SLC43A2: variants seen among roughly 807,000 people sequenced by gnomAD.
The protein encoded by SLC43A2 is solute carrier family 43 member 2.
A neutral mutation model predicts 63.2 loss-of-function variants in SLC43A2; 38 were observed. The ratio of observed to expected loss-of-function variants is 0.60; its 90% confidence interval spans 0.46 to 0.79. The LOEUF (loss-of-function observed/expected upper bound fraction) is 0.79. SLC43A2 is among the 30% of genes least tolerant of loss of function. The pLI, the probability that SLC43A2 is intolerant of heterozygous loss-of-function variation, is 0.00. For missense variants in SLC43A2, 644 were observed against 756.2 expected, an observed-to-expected ratio of 0.85 and a Z score of 1.74; for synonymous variants, 322 against 331.0, an observed-to-expected ratio of 0.97 and a Z score of 0.30.
intron 9 of SLC43A2, among the ~76,000 whole-genome samples, 198 bp downstream of exon 9, chr17:1,590,604 C>G (rs1159622865): frequency 6.6e-6 from 1 of 152,216 alleles, no homozygotes; most frequent in Non-Finnish European, 1.5e-5. Flanking sequence ...CCTCCTGGAC[C>G]AGGAAACCCT....
At position 1,593,697 on chromosome 17, in the gene SLC43A2, A is replaced by C. The variant is rs1567624501; in HGVS notation, c.502-418T>G. 6.6e-6 allele frequency among the ~76,000 whole-genome samples: 1 copy of C among 152,160 alleles called. No individual in the cohort carries two copies. The highest frequency in any genetic ancestry group is 1.5e-5 in the Non-Finnish European group (1 of 68,034). ...GATAATAGCATCATTTTATAAATAA[A>C]AATATCAGCATTCCAGAAAGACCAG... On this transcript the variant is annotated intron_variant, in intron 5 of 13. Transcript: ENST00000301335. This position sits in a 1 kb window ranked among gnomAD's most constrained non-coding sequence, Gnocchi z 5.3.
intron 5 of SLC43A2, among the ~76,000 whole-genome samples, chr17:1,611,204 C>T (rs976407662): frequency 6.6e-6 from 1 of 152,036 alleles, no homozygotes; most frequent in Non-Finnish European, 1.5e-5. Flanking sequence ...CTCGGCATTT[C>T]GGGGTGTGAG....
At chr17:1,595,115 T>C (rs1905183758) in intron 5 of SLC43A2, among the ~76,000 whole-genome samples, 1 of 151,812 alleles carries the variant, frequency 6.6e-6, no homozygotes, top group Non-Finnish European at 1.5e-5. Flanking sequence ...ACCCTGTCTC[T>C]ACTAAAAATA....
In SLC43A2 at chr17:1,572,732, C is replaced by G. The variant is rs1199994029; in HGVS notation, c.*2872G>C. 6.5e-6 allele frequency: 1 copy of G among 152,900 alleles called. No homozygotes were observed. Among genetic ancestry groups the G allele is most frequent in the African/African-American group, 2.4e-5 (1 of 41,486 alleles). The allele number at this position is 152,900 out of a possible 1,614,324, so 9.5% of individuals were successfully genotyped here. ...AGCACTGTTGGCCCTGGACTGTTTC[C>G]CCCCCTCAATTCTGTTTCTCAATGC... is the stretch of plus-strand genomic sequence containing the variant. On this transcript the variant is annotated 3_prime_UTR_variant, in exon 14 of 14. Coordinates refer to ENST00000301335, the MANE Select transcript of SLC43A2 (RefSeq NM_152346.3).
At chr17:1,614,106 G>A (rs183001580) in intron 4 of SLC43A2, among the ~76,000 whole-genome samples, 1 of 152,264 alleles carries the variant, frequency 6.6e-6, no homozygotes, top group Admixed American at 6.5e-5. Context: ...AGCCAGGCGT[G>A]GTGGCGGGTG....
intron 4 of SLC43A2, among the ~76,000 whole-genome samples, chr17:1,613,991 C>T (rs2151072789): frequency 6.6e-6 from 1 of 152,200 alleles, no homozygotes; most frequent in South Asian, 2.1e-4. Context: ...CGCCTGTAAT[C>T]CCAGCACTTT....
rs186543462 is a variant in SLC43A2, at chr17:1,591,752, G to A, written c.595-53C>T. Reference sequence around the variant, plus strand: ...GGGGGGGAGGGGGCAGAGTTAGCCCGGGGAGGCCAGAGCCGCAGCAGGCAG... The same window carrying A: ...GGGGGGGAGGGGGCAGAGTTAGCCCAGGGAGGCCAGAGCCGCAGCAGGCAG... On this transcript the variant is annotated intron_variant, in intron 6 of 13. Coordinates refer to ENST00000301335, the MANE Select transcript of SLC43A2 (RefSeq NM_152346.3). 3.1e-3 allele frequency: 4,039 copies of A among 1,322,488 alleles called. 46 individuals carry two copies. Among genetic ancestry groups the A allele is most frequent in the Non-Finnish European group, 2.6e-3 (2,486 of 954,420 alleles). 81.9% of individuals were successfully genotyped at this position (1,322,488 alleles called of 1,614,324 possible).
intron 12 of SLC43A2, 143 bp from the exon 13 acceptor site, chr17:1,576,863 GTTT>G (rs35969643): frequency 4.1e-3 from 2,346 of 574,860 alleles, no homozygotes; most frequent in Middle Eastern, 5.4e-3. Flanking sequence ...GGGCAGTTCT[GTTT>G]TTTTTTTTTT....
rs115175502 is a variant in SLC43A2 at position 1,590,866 on chromosome 17, G to A, written c.1014C>T (p.Leu338=). The A allele has an allele frequency of 2.9e-4, 449 of 1,554,876 alleles. 1 individual carries two copies. The African/African-American group carries it at 5.4e-3, about 19-fold the overall frequency. The change falls in exon 9 of 14, where the codon CTC becomes CTT. Residue 338 remains leucine, a synonymous_variant. Coordinates refer to ENST00000301335, the MANE Select transcript of SLC43A2 (RefSeq NM_152346.3). ...LVTMCVTQLR[L]IFYMGAMNNI... ...TGTTCATAGCCCCCATGTAGAAGAT[G>A]AGCCGCAGCTGCGTGACGCACATGG... is the stretch of plus-strand genomic sequence containing the variant.
intron 5 of SLC43A2, among the ~76,000 whole-genome samples, chr17:1,600,786 G>GACCTCAAGCGATCTGCCC (rs1390598355): frequency 6.6e-6 from 1 of 151,468 alleles, no homozygotes; most frequent in African/African-American, 2.4e-5. Context: ...TCAAACTCCT[G>GACCTCAAGCGATCTGCCC]ACCTCAAGCG....
intron 5 of SLC43A2, among the ~76,000 whole-genome samples, chr17:1,612,448 G>A (rs901077688): frequency 6.6e-6 from 1 of 152,194 alleles, no homozygotes; most frequent in African/African-American, 2.4e-5. Flanking sequence ...AAGACCAGAT[G>A]TTCCCTGCAT....
chr17:1,615,227 C>T (rs1907485072), intron 3 of SLC43A2, among the ~76,000 whole-genome samples, 193 bp from the exon 4 acceptor site: 1 of 151,964 alleles, frequency 6.6e-6, no homozygotes, highest in Non-Finnish European at 1.5e-5. Context: ...CCTGCCTCAG[C>T]CTCCCAAGTA....
Position 1,578,665 on chromosome 17 carries a change from T to A in SLC43A2, c.1351-342A>T, listed in dbSNP as rs1312998640. The A allele has an allele frequency of 4.1e-6, 1 of 246,478 alleles. No individual in the cohort carries two copies. Among genetic ancestry groups the A allele is most frequent in the African/African-American group, 2.2e-5 (1 of 44,770 alleles). The allele number at this position is 246,478 out of a possible 1,614,324, so 15.3% of individuals were successfully genotyped here. A position where few individuals can be genotyped will look rare whatever the true frequency, so the allele number is the denominator to read the frequency against. Reference sequence around the variant, plus strand: ...GCCTCAGCCTTCGGAGTAGCTAGGATTACAGGCCCACGCCACCATGCCCGG... The same window carrying A: ...GCCTCAGCCTTCGGAGTAGCTAGGAATACAGGCCCACGCCACCATGCCCGG... On this transcript the variant is annotated intron_variant, in intron 11 of 13. Coordinates refer to ENST00000301335, the MANE Select transcript of SLC43A2 (RefSeq NM_152346.3). This position sits in a 1 kb window ranked among gnomAD's most constrained non-coding sequence, Gnocchi z 6.5.
intron 5 of SLC43A2, among the ~76,000 whole-genome samples, chr17:1,612,585 A>C (rs2151071528): frequency 6.6e-6 from 1 of 152,376 alleles, no homozygotes; most frequent in South Asian, 2.1e-4. Context: ...CAGGAAAAGA[A>C]AGTGGGCGGC....
At chr17:1,625,898 C>A (rs1225106105) in intron 2 of SLC43A2, among the ~76,000 whole-genome samples, 1 of 151,968 alleles carries the variant, frequency 6.6e-6, no homozygotes, top group East Asian at 1.9e-4. Flanking sequence ...ATCTCTGGGA[C>A]TCCTCCCACT....
chr17:1,614,201 C>T (rs936348765), intron 4 of SLC43A2, among the ~76,000 whole-genome samples: 1 of 152,056 alleles, frequency 6.6e-6, no homozygotes, highest in South Asian at 2.1e-4. Flanking sequence ...TGAGATTGCG[C>T]CATTGCACTC....
At chr17:1,586,928 T>TGCGCCCCCCCCC in intron 9 of SLC43A2, 4 of 1,232,902 alleles carry the variant, frequency 3.2e-6, no homozygotes, top group Non-Finnish European at 4.5e-6. Context: ...TCCCTGACAA[T>TGCGCCCCCCCCC]CCCCCCCACC....
intron 2 of SLC43A2, among the ~76,000 whole-genome samples, chr17:1,618,715 C>T (rs569405656): frequency 1.3e-5 from 2 of 152,318 alleles, no homozygotes; most frequent in African/African-American, 2.4e-5. Context: ...CCAGGTGTGG[C>T]GGCTCATGCC....
intron 2 of SLC43A2, among the ~76,000 whole-genome samples, chr17:1,618,052 G>A (rs1182495747): frequency 6.6e-6 from 1 of 152,214 alleles, no homozygotes; most frequent in Non-Finnish European, 1.5e-5. Flanking sequence ...CCTTCCAATT[G>A]CAGCCCTCTG....
Sources: allele counts gnomAD v4.1 joint callset (sites outside exome capture counted in the v4.1 genomes callset), GRCh38; gene constraint gnomAD v4.1.1; non-coding constraint Gnocchi (gnomAD v3.1); transcripts MANE v1.5; gene names NCBI Gene and HGNC (gene_info 2026-07-23, HGNC 2026-07-21).